The following MPP4 variants were observed in gnomAD, a reference collection of about 807,000 sequenced individuals.
The protein encoded by MPP4 is MAGUK p55 subfamily member 4.
MPP4 carries 91 observed loss-of-function variants against 98.3 expected under a neutral mutation model. The observed-to-expected ratio is 0.93, with a 90% CI of 0.78 to 1.10. The LOEUF is 1.10. MPP4 is among the 50% of genes least tolerant of loss of function. The probability of loss-of-function intolerance (pLI) is 0.00; values close to 1 mark genes in which losing one functional copy is unlikely to be tolerated. For missense variants in MPP4, 744 were observed against 792.9 expected (o/e 0.94, Z 0.74); for synonymous variants, 261 against 271.8 (o/e 0.96, Z 0.39).
intron 21 of MPP4, 61 bp from the exon 22 acceptor site, chr2:201,645,465 C>A: frequency 1.4e-6 from 2 of 1,398,812 alleles, no homozygotes; most frequent in South Asian, 1.5e-5. Context: ...GGAAAAAATA[C>A]AGTTTGTTAT....
At chr2:201,675,042 T>A (rs1225409282) in intron 11 of MPP4, 165 bp downstream of exon 11, 2 of 845,518 alleles carry the variant, frequency 2.4e-6, no homozygotes, top group African/African-American at 3.4e-5. Context: ...CAAACTACCT[T>A]TGAAAAACCC....
intron 11 of MPP4, among the ~76,000 whole-genome samples, chr2:201,673,255 A>C (rs1346322143): frequency 6.6e-6 from 1 of 152,216 alleles, no homozygotes; most frequent in Non-Finnish European, 1.5e-5. Flanking sequence ...ACGCACAGCC[A>C]GAATCATACT....
intron 10 of MPP4, among the ~76,000 whole-genome samples, chr2:201,676,752 T>C (rs780973608): frequency 2.2e-4 from 34 of 151,972 alleles, no homozygotes; most frequent in Middle Eastern, 3.4e-3. Flanking sequence ...ATACAAAAAT[T>C]AGTTGGACGT....
intron 3 of MPP4, 86 bp from the exon 4 acceptor site, chr2:201,690,365 C>G (rs969417427): frequency 1.2e-6 from 1 of 839,528 alleles, no homozygotes; most frequent in Non-Finnish European, 1.9e-6. Flanking sequence ...AGAAGAAACA[C>G]CCCAGGCAAC....
chr2:201,656,065 G>T, intron 17 of MPP4, 133 bp downstream of exon 17: 4 of 1,051,932 alleles, frequency 3.8e-6, no homozygotes, highest in Non-Finnish European at 4.0e-6. Flanking sequence ...CAATGGCTTT[G>T]TTTTTTAAAA....
At position 201,687,902 on chromosome 2, in the gene MPP4, G is replaced by A. The variant is rs182265196; in HGVS notation, c.280-531C>T. Among the ~76,000 whole-genome samples the A allele has an allele frequency of 1.4e-3, 206 of 152,264 alleles. 3 individuals carry two copies. The highest frequency in any genetic ancestry group is 1.5e-3 in the Non-Finnish European group (99 of 68,022). ...CTTGTTACAATAAAAAGTGCTAAGC[G>A]GAAAAAAATTCTGCTCTCTCTGCTG... On this transcript the variant is annotated intron_variant, in intron 4 of 21. Transcript: ENST00000409474.
chr2:201,694,363 C>T (rs553409804), intron 1 of MPP4, among the ~76,000 whole-genome samples: 113 of 152,228 alleles, frequency 7.4e-4, no homozygotes, highest in African/African-American at 2.6e-3. Context: ...ATCATTAGAG[C>T]TCAGAAAAGT....
intron 16 of MPP4, among the ~76,000 whole-genome samples, chr2:201,656,879 C>T (rs556581059): frequency 1.3e-5 from 2 of 152,222 alleles, no homozygotes; most frequent in Non-Finnish European, 2.9e-5. Flanking sequence ...TGCAGAGAAA[C>T]GAACTGTGCT....
intron 21 of MPP4, 43 bp from the exon 22 acceptor site, chr2:201,645,447 G>A (rs772034215): frequency 1.4e-6 from 2 of 1,480,228 alleles, no homozygotes; most frequent in South Asian, 1.3e-5. Context: ...AGACTTAATT[G>A]GACAAATGGA....
chr2:201,689,845 C>T (rs900666361), intron 4 of MPP4, among the ~76,000 whole-genome samples: 8 of 151,864 alleles, frequency 5.3e-5, no homozygotes, highest in East Asian at 1.9e-4. Context: ...GGAGAGGAGG[C>T]GGTTGGATAT....
At chr2:201,697,986 G>A in intron 1 of MPP4, 1 of 985,342 alleles carries the variant, frequency 1.0e-6, no homozygotes, top group East Asian at 1.1e-4. Flanking sequence ...ATCTATTTCT[G>A]CTATCTTGAG....
intron 3 of MPP4, among the ~76,000 whole-genome samples, chr2:201,691,463 T>C (rs1689023200): frequency 6.6e-6 from 1 of 152,102 alleles, no homozygotes; most frequent in Non-Finnish European, 1.5e-5. Flanking sequence ...TAGACGCTAT[T>C]GTATAGTGCA....
intron 1 of MPP4, among the ~76,000 whole-genome samples, chr2:201,695,568 C>A (rs1255596603): frequency 6.6e-6 from 1 of 152,138 alleles, no homozygotes; most frequent in Non-Finnish European, 1.5e-5. Context: ...CAAGAAGTAA[C>A]CACTGTAGGC....
chr2:201,676,346 A>C (rs764609698), intron 10 of MPP4, among the ~76,000 whole-genome samples: 1 of 152,214 alleles, frequency 6.6e-6, no homozygotes, highest in Non-Finnish European at 1.5e-5. Context: ...CATCTATGCT[A>C]TAATCTACAA....
chr2:201,680,651 G>A (rs16837990), intron 10 of MPP4, 187 bp downstream of exon 10: 57 of 543,564 alleles, frequency 1.0e-4, no homozygotes, highest in Middle Eastern at 1.0e-3. Flanking sequence ...GATTATTCTC[G>A]TCTCCTTGGT....
Position 201,693,906 on chromosome 2 carries a change from T to C in MPP4, c.49A>G (p.Lys17Glu), listed in dbSNP as rs752168797. The C allele has an allele frequency of 1.2e-6, 2 of 1,613,854 alleles. No individual in the cohort carries two copies. The highest frequency in any genetic ancestry group is 8.5e-7 in the Non-Finnish European group (1 of 1,179,862). The change falls in exon 2 of 22, where the codon AAG becomes GAG. Residue 17 changes from lysine to glutamate, a missense_variant. Physicochemically the swap from Lys to Glu is moderately conservative, Grantham distance 56. Coordinates refer to ENST00000409474, the MANE Select transcript of MPP4 (RefSeq NM_033066.3). ...GADPPDKKDM[K>E]LSTATNPQNG... ...TGTGGATTGGTGGCTGTAGAAAGCTTCATGTCCTTCTTGTCTGGTGGATCT... is the reference window on the plus strand; with the variant it reads ...TGTGGATTGGTGGCTGTAGAAAGCTCCATGTCCTTCTTGTCTGGTGGATCT...
At chr2:201,648,879 C>T (rs1416777307) in intron 20 of MPP4, among the ~76,000 whole-genome samples, 1 of 152,112 alleles carries the variant, frequency 6.6e-6, no homozygotes, top group African/African-American at 2.4e-5. Context: ...GCCTGGCAAA[C>T]ATGGCGAAAC....
At chr2:201,694,758 C>T (rs1689134282) in intron 1 of MPP4, among the ~76,000 whole-genome samples, 1 of 151,450 alleles carries the variant, frequency 6.6e-6, no homozygotes. Flanking sequence ...GTATCTGGGA[C>T]CATAGGCATG....
chr2:201,696,080 A>G (rs1291504598), intron 1 of MPP4, among the ~76,000 whole-genome samples: 1 of 152,188 alleles, frequency 6.6e-6, no homozygotes, highest in Non-Finnish European at 1.5e-5. Context: ...TCTAAATTCT[A>G]AGGCAGTGAG....
Sources: gnomAD v4.1 joint callset for allele counts (sites outside exome capture counted in the v4.1 genomes callset) on GRCh38, gnomAD v4.1.1 for gene constraint, MANE v1.5 for transcripts, NCBI Gene and HGNC (gene_info 2026-07-23, HGNC 2026-07-21) for gene names.